Variants in EHBP1 observed in about 807,000 individuals in gnomAD.
The protein encoded by EHBP1 is EH domain-binding protein 1.
A neutral mutation model predicts 144.0 loss-of-function variants in EHBP1; 55 were observed. The observed-to-expected ratio is 0.38, with a 90% CI of 0.31 to 0.48. The LOEUF (loss-of-function observed/expected upper bound fraction) is 0.48, where lower values mean the gene tolerates loss of function less well. Ranked by LOEUF, EHBP1 falls within the 20% of genes least tolerant of loss-of-function variation. EHBP1 has a pLI of 0.98. For synonymous variants in EHBP1, 469 were observed against 472.7 expected, an observed-to-expected ratio of 0.99 and a Z score of 0.10; for missense variants, 1,200 against 1,364.2, an observed-to-expected ratio of 0.88 and a Z score of 1.90.
chr2:62,797,140 A>G (rs551476266), intron 5 of EHBP1, among the ~76,000 whole-genome samples: 1 of 152,306 alleles, frequency 6.6e-6, no homozygotes, highest in Admixed American at 6.5e-5. Flanking sequence ...GACATCAAAT[A>G]CAAATTTCTG....
intron 2 of EHBP1, among the ~76,000 whole-genome samples, chr2:62,735,221 T>C (rs2038007495): frequency 1.3e-5 from 2 of 152,158 alleles, no homozygotes; most frequent in African/African-American, 4.8e-5. Flanking sequence ...TTGAGCATTT[T>C]ATATGATTCC....
intron 19 of EHBP1, among the ~76,000 whole-genome samples, chr2:63,007,375 T>G (rs1427673272): frequency 6.6e-6 from 1 of 151,892 alleles, no homozygotes; most frequent in African/African-American, 2.4e-5. Flanking sequence ...TGTTGACTTT[T>G]TCATTCTTTC....
rs202020389 is a variant in EHBP1, at chr2:62,807,553, A to T, written c.313-18534A>T. ...ATAAGAGCGAAACTCCGCCTCAAAA[A>T]AAACAAAAAAAGAAAAATGTTAATT... On this transcript the variant is annotated intron_variant, in intron 5 of 22. Transcript: ENST00000431489. 1.5e-3 allele frequency among the ~76,000 whole-genome samples: 234 copies of T among 152,332 alleles called. 3 individuals are homozygous for T. In the East Asian group the frequency reaches 0.026, roughly 17 times the overall value.
chr2:62,949,066 T>C lies in EHBP1; in HGVS notation c.2220T>C (p.Ala740=), dbSNP rs1175354106. 2.5e-6 allele frequency: 4 copies of C among 1,607,706 alleles called. No homozygotes were observed. The highest frequency in any genetic ancestry group is 3.4e-5 in the Admixed American group (2 of 58,474). Residue 740 remains alanine (A), a synonymous_variant, in exon 13 of 23, where the codon GCT becomes GCC. Transcript: ENST00000431489. The part of the protein sequence containing the change: ...GYSYSRDLDL[A]KKKHASLRQT... ...CATATAGTAGAGATCTAGACCTTGC[T>C]AAGAAAAAACATGCTTCCCTGAGGC...
At chr2:63,018,088 C>T (rs973785742) in intron 19 of EHBP1, among the ~76,000 whole-genome samples, 1 of 152,128 alleles carries the variant, frequency 6.6e-6, no homozygotes, top group Admixed American at 6.5e-5. Context: ...TTGCTTGAGC[C>T]CAAGAGTTTG....
chr2:62,941,111 A>G (rs1029526884), intron 10 of EHBP1, among the ~76,000 whole-genome samples: 19 of 152,156 alleles, frequency 1.2e-4, no homozygotes, highest in African/African-American at 4.6e-4. Context: ...AATAAAGACA[A>G]TTATTTAAAT....
intron 14 of EHBP1, among the ~76,000 whole-genome samples, chr2:62,957,217 A>G (rs952244052): frequency 6.6e-6 from 1 of 152,224 alleles, no homozygotes; most frequent in East Asian, 1.9e-4. Flanking sequence ...AATGTAATTG[A>G]CAACATTAAC....
At chr2:62,934,855 A>T in intron 10 of EHBP1, among the ~76,000 whole-genome samples, 1 of 152,150 alleles carries the variant, frequency 6.6e-6, no homozygotes, top group African/African-American at 2.4e-5. Context: ...AACACAGCTG[A>T]CTTCTCACTT....
intron 1 of EHBP1, among the ~76,000 whole-genome samples, chr2:62,700,183 C>T (rs2034236178): frequency 6.6e-6 from 1 of 151,878 alleles, no homozygotes; most frequent in Non-Finnish European, 1.5e-5. Flanking sequence ...AAAAAAAGGC[C>T]ACCTTTTAAG....
intron 2 of EHBP1, among the ~76,000 whole-genome samples, chr2:62,736,194 G>T (rs1249199715): frequency 9.2e-5 from 6 of 65,548 alleles, no homozygotes; most frequent in South Asian, 1.0e-3. Context: ...ATTCTATTCT[G>T]TTTTTTTTTT....
At chr2:62,951,546 G>GGGGGT (rs2057393088) in intron 13 of EHBP1, among the ~76,000 whole-genome samples, 1 of 130,892 alleles carries the variant, frequency 7.6e-6, no homozygotes, top group Admixed American at 7.7e-5. Flanking sequence ...GGGGGGGGGG[G>GGGGGT]TGGAGTCTTG....
rs2061921375 is a variant in EHBP1 at position 63,045,482 on chromosome 2, G to C, written c.3465G>C (p.Glu1155Asp). 3.7e-6 allele frequency: 6 copies of C among 1,613,722 alleles called. No homozygotes were observed. The highest frequency in any genetic ancestry group is 4.2e-6 in the Non-Finnish European group (5 of 1,179,788). ...QNKGKMAKKE[E>D]KCVLQ ...AAGGCAAGATGGCCAAGAAAGAGGA[G>C]AAATGTGTTCTTCAGTAGCCATCAG... The change falls in exon 23 of 23, where the codon GAG becomes GAC. Residue 1155 changes from glutamate (E) to aspartate (D), a missense_variant. This residue lies in a region of EHBP1 where 149 missense variants were observed against 217.0 expected (regional missense o/e 0.69). Transcript: ENST00000431489. This position sits in a 1 kb window ranked among gnomAD's most constrained non-coding sequence, Gnocchi z 5.7.
At chr2:62,879,556 C>CACAT (rs1452369226) in intron 10 of EHBP1, among the ~76,000 whole-genome samples, 1 of 148,570 alleles carries the variant, frequency 6.7e-6, no homozygotes, top group Non-Finnish European at 1.5e-5. Flanking sequence ...AACACACACA[C>CACAT]ACACACACAC....
At chr2:62,994,138 C>T (rs553117642) in intron 18 of EHBP1, 161 bp downstream of exon 18, 11 of 439,670 alleles carry the variant, frequency 2.5e-5, no homozygotes, top group African/African-American at 1.6e-4. Context: ...AATTAGTCTG[C>T]AGTGTGGTGA....
chr2:63,024,321 A>G (rs892443998), intron 19 of EHBP1, among the ~76,000 whole-genome samples: 3 of 152,178 alleles, frequency 2.0e-5, no homozygotes, highest in African/African-American at 7.2e-5. Flanking sequence ...TGCCGCCTGG[A>G]TGACAAGAGC....
At chr2:62,858,423 A>C in intron 7 of EHBP1, 1 of 1,602,550 alleles carries the variant, frequency 6.2e-7, no homozygotes, top group Non-Finnish European at 8.5e-7. Flanking sequence ...AAACCAGTTG[A>C]ATGCTCTGAG....
chr2:62,844,199 C>T (rs2048128241), intron 7 of EHBP1, among the ~76,000 whole-genome samples: 1 of 152,128 alleles, frequency 6.6e-6, no homozygotes, highest in Non-Finnish European at 1.5e-5. Flanking sequence ...TTTGACAAAA[C>T]ATATCCTCCA....
Position 63,045,868 on chromosome 2 carries a change from T to C in EHBP1, c.*368T>C. 5.4e-6 allele frequency: 1 copy of C among 183,812 alleles called. No homozygotes were observed. Among genetic ancestry groups the C allele is most frequent in the African/African-American group, 2.4e-5 (1 of 42,028 alleles). 11.4% of individuals were successfully genotyped at this position (183,812 alleles called of 1,614,324 possible). On this transcript the variant is annotated 3_prime_UTR_variant, in exon 23 of 23. Transcript: ENST00000431489. The surrounding 1 kb of genome is among the most constrained non-coding windows in gnomAD (Gnocchi z 5.7). ...TTTGATGAGAGGAAAATTTGAAACA[T>C]TATTCTTGTTGTTGTTGGTAATAGC...
chr2:62,921,401 C>T (rs374647446), intron 10 of EHBP1, among the ~76,000 whole-genome samples: 3 of 151,474 alleles, frequency 2.0e-5, no homozygotes, highest in East Asian at 3.9e-4. Context: ...GCCAAGATTG[C>T]ACCACTGCAC....
Sources: gnomAD v4.1 joint callset for allele counts (sites outside exome capture counted in the v4.1 genomes callset) on GRCh38, gnomAD v4.1.1 for gene constraint, gnomAD v4.1.1 regional missense constraint, Gnocchi (gnomAD v3.1) non-coding constraint, MANE v1.5 for transcripts, NCBI Gene and HGNC (gene_info 2026-07-23, HGNC 2026-07-21) for gene names.